MUC15: variants seen among roughly 807,000 people sequenced by gnomAD.
MUC15 encodes mucin-15.
A neutral mutation model predicts 24.0 loss-of-function variants in MUC15; 23 were observed. That is an observed-to-expected ratio of 0.96 (90% CI 0.69 to 1.36). The LOEUF is 1.36. Among genes scored for constraint, MUC15 ranks in the 40% most tolerant of loss-of-function variants. The probability of loss-of-function intolerance (pLI) is 0.00; values close to 1 mark genes in which losing one functional copy is unlikely to be tolerated. For synonymous variants in MUC15, 151 were observed against 156.3 expected, an observed-to-expected ratio of 0.97 and a Z score of 0.25; for missense variants, 442 against 428.2, an observed-to-expected ratio of 1.03 and a Z score of -0.29.
chr11:26,570,579 A>G (rs904371987), intron 1 of MUC15, among the ~76,000 whole-genome samples: 1 of 152,142 alleles, frequency 6.6e-6, no homozygotes, highest in African/African-American at 2.4e-5. Flanking sequence ...CAGTTCAGGT[A>G]TACTGCAGGC....
At chr11:26,571,341 T>A (rs1437038619) in intron 1 of MUC15, among the ~76,000 whole-genome samples, 1 of 152,100 alleles carries the variant, frequency 6.6e-6, no homozygotes, top group Non-Finnish European at 1.5e-5. Context: ...AAAAAGAGGC[T>A]TATATAGCCA....
rs370277580 is a variant in MUC15 at position 26,564,692 on chromosome 11, T to TAC, written c.775+471_775+472dup. ...ACTCATATATATATACTCATATATA[T>TAC]ACACACACACACACACACACACACA... On this transcript the variant is annotated intron_variant, in intron 3 of 4. Coordinates refer to ENST00000529533, the MANE Select transcript of MUC15 (RefSeq NM_001135091.2). Among the ~76,000 whole-genome samples the TAC allele has an allele frequency of 3.7e-3, 154 of 41,124 alleles. 5 individuals are homozygous for TAC. The highest frequency in any genetic ancestry group is 0.03 in the East Asian group (33 of 1,094). 27.0% of individuals were successfully genotyped at this position (41,124 alleles called of 152,430 possible).
chr11:26,571,221 T>G (rs1850812355), intron 1 of MUC15, among the ~76,000 whole-genome samples: 1 of 152,034 alleles, frequency 6.6e-6, no homozygotes, highest in Non-Finnish European at 1.5e-5. Context: ...AGATCAAAAT[T>G]TTCAAGCATA....
intron 3 of MUC15, 130 bp from the exon 4 acceptor site, chr11:26,563,395 CTGTGTGTG>C (rs71047867): frequency 0.36 from 192,676 of 536,664 alleles, 24,535 homozygotes; most frequent in Admixed American, 0.44. Context: ...GTTTCTCTCT[CTGTGTGTG>C]TGTGTGTGTG....
intron 4 of MUC15, among the ~76,000 whole-genome samples, chr11:26,561,597 AT>A (rs1387477266): frequency 4.0e-5 from 6 of 151,892 alleles, no homozygotes; most frequent in Admixed American, 1.3e-4. Context: ...CTGGTGTAAA[AT>A]TTTTTTAAGT....
At position 26,567,151 on chromosome 11, in the gene MUC15, A is replaced by G; in HGVS notation, c.-45-12T>C. ...GCTAGTAACAGAAGCTGGAAAATGG[A>G]AGAGGCAATATTTAAAGCCAAGTCA... is the stretch of plus-strand genomic sequence containing the variant. On this transcript the variant is annotated splice_polypyrimidine_tract_variant and intron_variant, in intron 1 of 4. Transcript: ENST00000529533. 7.2e-7 allele frequency: 1 copy of G among 1,386,082 alleles called. No homozygotes were observed. Among genetic ancestry groups the G allele is most frequent in the Non-Finnish European group, 9.5e-7 (1 of 1,057,246 alleles). The allele number at this position is 1,386,082 out of a possible 1,614,324, so 85.9% of individuals were successfully genotyped here.
Position 26,567,153 on chromosome 11 carries a change from G to A in MUC15, c.-45-14C>T, listed in dbSNP as rs922863320. The A allele has an allele frequency of 2.9e-6, 4 of 1,380,466 alleles. No homozygotes were observed. The Admixed American group carries it at 1.1e-4, about 39-fold the overall frequency. The allele number at this position is 1,380,466 out of a possible 1,614,324, so 85.5% of individuals were successfully genotyped here. A position where few individuals can be genotyped will look rare whatever the true frequency, so the allele number is the denominator to read the frequency against. On this transcript the variant is annotated splice_polypyrimidine_tract_variant and intron_variant, in intron 1 of 4. Coordinates refer to ENST00000529533, the MANE Select transcript of MUC15 (RefSeq NM_001135091.2). ...TAGTAACAGAAGCTGGAAAATGGAA[G>A]AGGCAATATTTAAAGCCAAGTCAAC...
At chr11:26,566,029 T>C in intron 2 of MUC15, 133 bp from the exon 3 acceptor site, 14 of 990,482 alleles carry the variant, frequency 1.4e-5, no homozygotes, top group Non-Finnish European at 2.0e-5. Context: ...TATTCCAAAA[T>C]TGCTTATTTT....
At position 26,567,079 on chromosome 11, in the gene MUC15, A is replaced by T. The variant is rs566671441; in HGVS notation, c.16T>A (p.Ser6Thr). The T allele has an allele frequency of 6.0e-6, 9 of 1,502,988 alleles. No homozygotes were observed. The East Asian group carries it at 2.3e-4, about 38-fold the overall frequency. 93.1% of individuals were successfully genotyped at this position (1,502,988 alleles called of 1,614,324 possible). A position where few individuals can be genotyped will look rare whatever the true frequency, so the allele number is the denominator to read the frequency against. Reference sequence around the variant, plus strand: ...CAATCCCTTGATGTGGCAAGAATAGATTGTATTATGCCCATTTTGCAGATG... The same window carrying T: ...CAATCCCTTGATGTGGCAAGAATAGTTTGTATTATGCCCATTTTGCAGATG... The part of the protein sequence containing the change: MGIIQ[S>T]ILATSRDCYS... Residue 6 changes from serine to threonine, a missense_variant, in exon 2 of 5, where the codon TCT becomes ACT. Ser to Thr is a moderately conservative substitution (Grantham distance 58, BLOSUM62 1). Coordinates refer to ENST00000529533, the MANE Select transcript of MUC15 (RefSeq NM_001135091.2).
At chr11:26,571,629 C>A (rs181032790) in intron 1 of MUC15, among the ~76,000 whole-genome samples, 1 of 152,142 alleles carries the variant, frequency 6.6e-6, no homozygotes. Flanking sequence ...AAGCAAAAAC[C>A]TTTCAGCACA....
At chr11:26,563,879 A>G (rs986993445) in intron 3 of MUC15, among the ~76,000 whole-genome samples, 12 of 151,828 alleles carry the variant, frequency 7.9e-5, no homozygotes, top group Non-Finnish European at 1.8e-4. Flanking sequence ...TCACTGTATT[A>G]TTCTTTTCAC....
At chr11:26,566,151 A>G (rs1465331541) in intron 2 of MUC15, among the ~76,000 whole-genome samples, 1 of 151,890 alleles carries the variant, frequency 6.6e-6, no homozygotes, top group Non-Finnish European at 1.5e-5. Flanking sequence ...ACACACTGCT[A>G]TTTCAAAGAC....
chr11:26,569,976 A>G (rs1004958107), intron 1 of MUC15, among the ~76,000 whole-genome samples: 2 of 152,022 alleles, frequency 1.3e-5, no homozygotes, highest in African/African-American at 4.8e-5. Flanking sequence ...CCTAAGAGAA[A>G]TTTTGAAGTT....
chr11:26,564,714 C>T (rs1850455606), intron 3 of MUC15, among the ~76,000 whole-genome samples: 1 of 72,974 alleles, frequency 1.4e-5, no homozygotes. Context: ...CACACACACA[C>T]ACACACACAC....
chr11:26,566,133 C>T (rs1486823828), intron 2 of MUC15, among the ~76,000 whole-genome samples: 1 of 151,808 alleles, frequency 6.6e-6, no homozygotes, highest in Non-Finnish European at 1.5e-5. Flanking sequence ...CAAAAACTTC[C>T]TCAAGCCACA....
chr11:26,565,526 G>T lies in MUC15; in HGVS notation c.414C>A (p.Pro138=). 1 of 1,613,410 alleles carries T rather than the reference G, an allele frequency of 6.2e-7. No homozygotes were observed. The highest frequency in any genetic ancestry group is 8.5e-7 in the Non-Finnish European group (1 of 1,179,558). The stretch of plus-strand genomic sequence containing the variant: ...CTTTAGAAACAAAGCTATGGATCAA[G>T]GGAGGGCTTGTGGAAATGGTAGATG... ...KPTSTISTSP[P]LIHSFVSKVP... Residue 138 remains proline, a synonymous_variant, in exon 3 of 5, where the codon CCC becomes CCA. Transcript: ENST00000529533.
At position 26,565,392 on chromosome 11, in the gene MUC15, T is replaced by C. The variant is rs1565110132; in HGVS notation, c.548A>G (p.Asp183Gly). ...SENFTWSLVNDTVKTPDNSSI... is the reference protein window; with the variant it reads ...SENFTWSLVNGTVKTPDNSSI... ...ACTGTTATCAGGAGTTTTCACGGTGTCATTGACCAAAGACCAAGTGAAGTT... is the reference window on the plus strand; with the variant it reads ...ACTGTTATCAGGAGTTTTCACGGTGCCATTGACCAAAGACCAAGTGAAGTT... The change falls in exon 3 of 5, where the codon GAC becomes GGC. Residue 183 changes from aspartate to glycine, a missense_variant. By Grantham distance (94) the Asp-to-Gly change is moderately conservative. Coordinates refer to ENST00000529533, the MANE Select transcript of MUC15 (RefSeq NM_001135091.2). 1 of 1,613,224 alleles carries C rather than the reference T, an allele frequency of 6.2e-7. No homozygotes were observed. Among genetic ancestry groups the C allele is most frequent in the Admixed American group, 1.7e-5 (1 of 59,892 alleles).
rs769915748 is a variant in MUC15 at position 26,565,448 on chromosome 11, A to T, written c.492T>A (p.His164Gln). The T allele has an allele frequency of 1.9e-6, 3 of 1,613,340 alleles. No individual in the cohort carries two copies. In the South Asian group the frequency reaches 3.3e-5, roughly 18 times the overall value. ...ADEDLLPISA[H>Q]PNATPALSSE... Reference sequence around the variant, plus strand: ...AAGACAGAGCAGGTGTAGCATTGGGATGTGCTGAGATGGGCAAAAGATCTT... The same window carrying T: ...AAGACAGAGCAGGTGTAGCATTGGGTTGTGCTGAGATGGGCAAAAGATCTT... Residue 164 changes from histidine (H) to glutamine (Q), a missense_variant, in exon 3 of 5, where the codon CAT (histidine) becomes CAA (glutamine). Coordinates refer to ENST00000529533, the MANE Select transcript of MUC15 (RefSeq NM_001135091.2).
Position 26,565,644 on chromosome 11 carries a change from G to A in MUC15, c.296C>T (p.Ser99Phe). 2 of 1,609,132 alleles carry A rather than the reference G, an allele frequency of 1.2e-6. No homozygotes were observed. The highest frequency in any genetic ancestry group is 2.7e-5 in the African/African-American group (2 of 74,628). Residue 99 changes from serine to phenylalanine, a missense_variant, in exon 3 of 5, where the codon TCC becomes TTC. By Grantham distance (155) the Ser-to-Phe change is radical (BLOSUM62 -2). Transcript: ENST00000529533. ...GTTGTTGGGTAGATTCAAAGGAGGG[G>A]AATGACTCGCCTTGAGATTTGAGGT... Reference protein sequence around the residue: ...ITTSNLKASHSPPLNLPNNSH... With the variant: ...ITTSNLKASHFPPLNLPNNSH...
Sources: allele counts gnomAD v4.1 joint callset (sites outside exome capture counted in the v4.1 genomes callset), GRCh38; gene constraint gnomAD v4.1.1; transcripts MANE v1.5; gene names NCBI Gene and HGNC (gene_info 2026-07-23, HGNC 2026-07-21).